ATP6V1A: variants seen among roughly 807,000 people sequenced by gnomAD.
ATP6V1A encodes the protein ATPase H+ transporting V1 subunit A, also known as V-type proton ATPase catalytic subunit A.
ATP6V1A carries 18 observed loss-of-function variants against 70.1 expected under a neutral mutation model. That is an observed-to-expected ratio of 0.26 (90% CI 0.18 to 0.38). The LOEUF (loss-of-function observed/expected upper bound fraction) is 0.38, where lower values mean the gene tolerates loss of function less well. Among genes scored for constraint, ATP6V1A ranks in the 10% least tolerant of loss-of-function variants. The pLI, the probability that ATP6V1A is intolerant of heterozygous loss-of-function variation, is 1.00. For missense variants in ATP6V1A, 424 were observed against 772.4 expected (o/e 0.55, Z 5.35); for synonymous variants, 232 against 253.8 (o/e 0.91, Z 0.82).
chr3:113,772,854 G>T (rs1279278462), intron 1 of ATP6V1A, among the ~76,000 whole-genome samples: 2 of 149,864 alleles, frequency 1.3e-5, no homozygotes, highest in Non-Finnish European at 3.0e-5. Context: ...CCACCTCTCT[G>T]TATAAACACT....
In ATP6V1A at chr3:113,762,082, G is replaced by A. The variant is rs1299254424; in HGVS notation, c.-14+14969G>A. Among the ~76,000 whole-genome samples, 10 of 129,748 alleles carry A rather than the reference G, an allele frequency of 7.7e-5. 2 individuals are homozygous for A. Among genetic ancestry groups the A allele is most frequent in the African/African-American group, 2.8e-4 (10 of 35,428 alleles). 85.1% of individuals were successfully genotyped at this position (129,748 alleles called of 152,430 possible). ...CAGGAGAATTGCTTGAACCCGGGAG[G>A]CAGAGGTTGTGGTGAGCCAAGATCG... is the stretch of plus-strand genomic sequence containing the variant. On this transcript the variant is annotated intron_variant, in intron 1 of 14. Transcript: ENST00000273398.
intron 12 of ATP6V1A, 34 bp from the exon 13 acceptor site, chr3:113,803,549 A>G (rs375780674): frequency 1.4e-6 from 2 of 1,469,508 alleles, no homozygotes; most frequent in Non-Finnish European, 1.9e-6. Context: ...TACATTTTAG[A>G]GTAAATGTCT....
At chr3:113,749,184 T>A (rs867351266) in intron 1 of ATP6V1A, among the ~76,000 whole-genome samples, 1 of 151,998 alleles carries the variant, frequency 6.6e-6, no homozygotes. Flanking sequence ...ACTGATGAAA[T>A]GTAGATTAGT....
At chr3:113,759,304 C>CTTTTTTTTT (rs1708676428) in intron 1 of ATP6V1A, among the ~76,000 whole-genome samples, 1 of 78,486 alleles carries the variant, frequency 1.3e-5, no homozygotes, top group Non-Finnish European at 2.9e-5. Context: ...TTTTTTTTTG[C>CTTTTTTTTT]ATTTTATGTA....
At chr3:113,804,849 G>A (rs926583586) in intron 13 of ATP6V1A, among the ~76,000 whole-genome samples, 2 of 152,164 alleles carry the variant, frequency 1.3e-5, no homozygotes, top group Non-Finnish European at 2.9e-5. Context: ...TTAAAAGTAT[G>A]GGCAAATGAA....
chr3:113,764,598 C>G (rs145395148), intron 1 of ATP6V1A, among the ~76,000 whole-genome samples: 26 of 152,220 alleles, frequency 1.7e-4, no homozygotes, highest in African/African-American at 5.5e-4. Context: ...ATATTGTTGG[C>G]TGTCTTCTTG....
At position 113,786,307 on chromosome 3, in the gene ATP6V1A, G is replaced by A. The variant is rs1709039606; in HGVS notation, c.640G>A (p.Val214Ile). Residue 214 changes from valine to isoleucine, a missense_variant, in exon 6 of 15, where the codon GTT becomes ATT. Transcript: ENST00000273398. ...GGTGCAAGTATGGCCTGTACGTCAA[G>A]TTCGACCTGTCACTGAGAAGCTGCC... is the stretch of plus-strand genomic sequence containing the variant. Reference protein sequence around the residue: ...TMVQVWPVRQVRPVTEKLPAN... With the variant: ...TMVQVWPVRQIRPVTEKLPAN... The A allele has an allele frequency of 1.2e-6, 2 of 1,613,472 alleles. No individual in the cohort carries two copies. The highest frequency in any genetic ancestry group is 1.7e-6 in the Non-Finnish European group (2 of 1,179,624).
At chr3:113,786,558 C>T (rs1034499374) in intron 6 of ATP6V1A, among the ~76,000 whole-genome samples, 175 bp downstream of exon 6, 13 of 152,008 alleles carry the variant, frequency 8.6e-5, no homozygotes, top group South Asian at 4.1e-4. Context: ...TAAATTCAAA[C>T]CATTGAAGAT....
Position 113,811,388 on chromosome 3 carries a change from G to A in ATP6V1A, c.*1961G>A, listed in dbSNP as rs1709339885. 1 of 152,606 alleles carries A rather than the reference G, an allele frequency of 6.6e-6. No homozygotes were observed. Among genetic ancestry groups the A allele is most frequent in the Non-Finnish European group, 1.5e-5 (1 of 68,034 alleles). 9.5% of individuals were successfully genotyped at this position (152,606 alleles called of 1,614,324 possible). ...CTATACAACTTGTTTTAACCTTTGA[G>A]AACATTGACAGAAATTATGCAATGG... On this transcript the variant is annotated 3_prime_UTR_variant, in exon 15 of 15. Transcript: ENST00000273398.
intron 5 of ATP6V1A, among the ~76,000 whole-genome samples, chr3:113,785,473 T>C (rs1437271513): frequency 6.6e-6 from 1 of 150,482 alleles, no homozygotes; most frequent in Non-Finnish European, 1.5e-5. Flanking sequence ...TATTATTATA[T>C]AATGGATTAT....
chr3:113,776,192 C>T (rs1389482216), intron 1 of ATP6V1A, among the ~76,000 whole-genome samples: 1 of 151,284 alleles, frequency 6.6e-6, no homozygotes, highest in Non-Finnish European at 1.5e-5. Context: ...AACCCTGTCT[C>T]TACAATAAAT....
At chr3:113,783,943 C>T (rs1709010136) in intron 3 of ATP6V1A, among the ~76,000 whole-genome samples, 2 of 152,062 alleles carry the variant, frequency 1.3e-5, no homozygotes, top group African/African-American at 2.4e-5. Flanking sequence ...TTTCTTTCAA[C>T]TTATGCATAT....
intron 1 of ATP6V1A, among the ~76,000 whole-genome samples, chr3:113,750,091 C>T (rs1559746308): frequency 6.6e-6 from 1 of 152,196 alleles, no homozygotes; most frequent in Non-Finnish European, 1.5e-5. Context: ...CTTCATTCAG[C>T]TCTGCCACTT....
At chr3:113,795,020 T>C in intron 9 of ATP6V1A, 26 bp downstream of exon 9, 1 of 1,612,986 alleles carries the variant, frequency 6.2e-7, no homozygotes, top group Non-Finnish European at 8.5e-7. Flanking sequence ...GCTTATCATG[T>C]AAACAAGACT....
rs192090099 is a variant in ATP6V1A, at chr3:113,775,374, C to T, written c.-13-3367C>T. On this transcript the variant is annotated intron_variant, in intron 1 of 14. Transcript: ENST00000273398. ...CCTCCTGAGTAGCTGGAATTACAGGCGCCCACCACCACACCCAGCTAATTT... is the reference window on the plus strand; with the variant it reads ...CCTCCTGAGTAGCTGGAATTACAGGTGCCCACCACCACACCCAGCTAATTT... 2.7e-3 allele frequency among the ~76,000 whole-genome samples: 404 copies of T among 151,866 alleles called. 3 individuals are homozygous for T. The highest frequency in any genetic ancestry group is 9.1e-3 in the African/African-American group (378 of 41,398).
intron 3 of ATP6V1A, among the ~76,000 whole-genome samples, chr3:113,781,388 G>A (rs1708976438): frequency 6.6e-6 from 1 of 152,140 alleles, no homozygotes; most frequent in Non-Finnish European, 1.5e-5. Context: ...ATAGTGGCAG[G>A]CGCCTGTAAT....
chr3:113,753,734 T>C (rs1708616035), intron 1 of ATP6V1A, among the ~76,000 whole-genome samples: 1 of 151,356 alleles, frequency 6.6e-6, no homozygotes. Context: ...CTTGCTCTGT[T>C]ACCCAGATTG....
intron 14 of ATP6V1A, among the ~76,000 whole-genome samples, chr3:113,806,413 A>T (rs1709276667): frequency 6.6e-6 from 1 of 151,922 alleles, no homozygotes. Context: ...CTGAAATGAC[A>T]TCTTCTCTGT....
chr3:113,805,368 A>G lies in ATP6V1A; in HGVS notation c.1604A>G (p.Tyr535Cys), dbSNP rs758773602. The G allele has an allele frequency of 1.2e-6, 2 of 1,614,060 alleles. No homozygotes were observed. The highest frequency in any genetic ancestry group is 2.2e-5 in the East Asian group (1 of 44,868). The change falls in exon 14 of 15, where the codon TAC becomes TGC. Residue 535 changes from tyrosine to cysteine, a missense_variant. Coordinates refer to ENST00000273398, the MANE Select transcript of ATP6V1A (RefSeq NM_001690.4). ...YTPYDRFCPF[Y>C]KTVGMLSNMI... is the part of the protein sequence containing the mutation. Reference sequence around the variant, plus strand: ...ATTTATTCTAGGTTCTGCCCATTCTACAAGACAGTAGGGATGCTGTCCAAC... The same window carrying G: ...ATTTATTCTAGGTTCTGCCCATTCTGCAAGACAGTAGGGATGCTGTCCAAC...
Sources: gnomAD v4.1 joint callset for allele counts (sites outside exome capture counted in the v4.1 genomes callset) on GRCh38, gnomAD v4.1.1 for gene constraint, MANE v1.5 for transcripts, NCBI Gene and HGNC (gene_info 2026-07-23, HGNC 2026-07-21) for gene names.